The following ARF4 variants were observed in gnomAD, a reference collection of about 807,000 sequenced individuals.
ARF4 encodes ARF GTPase 4.
In ARF4, 5 loss-of-function variants were observed where a neutral mutation model predicts 24.3. The ratio of observed to expected loss-of-function variants is 0.21; its 90% CI spans 0.11 to 0.43. ARF4 has a LOEUF of 0.43. Ranked by LOEUF, ARF4 falls within the 20% of genes least tolerant of loss-of-function variation. ARF4 has a pLI of 1.00. For synonymous variants in ARF4, 62 were observed against 73.5 expected (o/e 0.84, Z 0.80); for missense variants, 107 against 213.0 (o/e 0.50, Z 3.10).
rs774767694 is a variant in ARF4 at position 57,572,139 on chromosome 3, A to G, written c.*73T>C. Reference sequence around the variant, plus strand: ...CCAGATACTGTTTAATAACCAAGATACAAACTAATTTTGTTGTAACAAGCC... The same window carrying G: ...CCAGATACTGTTTAATAACCAAGATGCAAACTAATTTTGTTGTAACAAGCC... On this transcript the variant is annotated 3_prime_UTR_variant, in exon 6 of 6. Transcript: ENST00000303436. 25 of 1,198,650 alleles carry G rather than the reference A, an allele frequency of 2.1e-5. No homozygotes were observed. Among genetic ancestry groups the G allele is most frequent in the Non-Finnish European group, 3.1e-5 (25 of 805,298 alleles). The allele number at this position is 1,198,650 out of a possible 1,614,324, so 74.3% of individuals were successfully genotyped here. A position where few individuals can be genotyped will look rare whatever the true frequency, so the allele number is the denominator to read the frequency against.
intron 5 of ARF4, among the ~76,000 whole-genome samples, chr3:57,572,928 C>T (rs1040285652): frequency 6.6e-6 from 1 of 151,728 alleles, no homozygotes; most frequent in East Asian, 1.9e-4. Context: ...TTAGGCCGGG[C>T]GTGGTGGCTC....
chr3:57,578,268 T>C (rs2069929717), intron 3 of ARF4, among the ~76,000 whole-genome samples: 1 of 150,620 alleles, frequency 6.6e-6, no homozygotes. Context: ...GCAAGAAAAA[T>C]CCAAGACTGG....
intron 3 of ARF4, among the ~76,000 whole-genome samples, chr3:57,581,677 G>C (rs1484939564): frequency 6.6e-6 from 1 of 152,180 alleles, no homozygotes; most frequent in Non-Finnish European, 1.5e-5. Flanking sequence ...GCGCATGCCT[G>C]AAGTCCCAGC....
Position 57,597,113 on chromosome 3 carries a change from A to G in ARF4, c.28T>C (p.Ser10Pro). 6.2e-7 allele frequency: 1 copy of G among 1,614,056 alleles called. No homozygotes were observed. The highest frequency in any genetic ancestry group is 8.5e-7 in the Non-Finnish European group (1 of 1,179,982). The change falls in exon 1 of 6, where the codon TCC becomes CCC. Residue 10 changes from serine (S) to proline (P), a missense_variant. Transcript: ENST00000303436. MGLTISSLF[S>P]RLFGKKQMRI... The stretch of plus-strand genomic sequence containing the variant: ...ATCTGCTTCTTGCCAAATAGTCGGG[A>G]GAAGAGGGAGGAGATAGTGAGGCCC...
rs2070027833 is a variant in ARF4, at chr3:57,585,668, T to TTC, written c.68-1205_68-1204insGA. Among the ~76,000 whole-genome samples, 5 of 150,348 alleles carry TTC rather than the reference T, an allele frequency of 3.3e-5. No individual in the cohort carries two copies. In the South Asian group the frequency reaches 8.5e-4, roughly 25 times the overall value. On this transcript the variant is annotated intron_variant, in intron 1 of 5. Transcript: ENST00000303436. ...CAATATAAGTAATATCTAAATTCTT[T>TTC]TTTTTTTTTTTTGAGACAGAGTATC... is the stretch of plus-strand genomic sequence containing the variant.
chr3:57,583,797 C>T, intron 3 of ARF4, 101 bp downstream of exon 3: 2 of 817,838 alleles, frequency 2.4e-6, no homozygotes, highest in South Asian at 1.6e-5. Context: ...AATGCCAACT[C>T]ATAGTAAACA....
At position 57,572,292 on chromosome 3, in the gene ARF4, C is replaced by G. The variant is rs2069850932; in HGVS notation, c.463G>C (p.Val155Leu). ...CCTTGTGTTGCACAAGTGGCTTGAA[C>G]ATACCACTGTAAAGAGAAGACAAGA... ...LQSLRNRTWY[V>L]QATCATQGTG... The change falls in exon 6 of 6, where the codon GTT becomes CTT. Residue 155 changes from valine (V) to leucine (L), a missense_variant. By Grantham distance (32) the Val-to-Leu change is conservative (BLOSUM62 1). Transcript: ENST00000303436. 1 of 1,612,766 alleles carries G rather than the reference C, an allele frequency of 6.2e-7. No homozygotes were observed. Among genetic ancestry groups the G allele is most frequent in the African/African-American group, 1.3e-5 (1 of 75,026 alleles).
At chr3:57,590,481 G>A (rs1337962773) in intron 1 of ARF4, among the ~76,000 whole-genome samples, 5 of 152,108 alleles carry the variant, frequency 3.3e-5, no homozygotes, top group Non-Finnish European at 7.4e-5. Context: ...GCAAGACTCC[G>A]TCTCAAAAAA....
At chr3:57,593,502 C>T (rs1422841187) in intron 1 of ARF4, among the ~76,000 whole-genome samples, 1 of 152,182 alleles carries the variant, frequency 6.6e-6, no homozygotes, top group Non-Finnish European at 1.5e-5. Flanking sequence ...ACCACAGTCA[C>T]ATTCAAGACA....
At position 57,577,372 on chromosome 3, in the gene ARF4, C is replaced by A; in HGVS notation, c.274G>T (p.Val92Leu). Residue 92 changes from valine to leucine, a missense_variant, in exon 4 of 6, where the codon GTA becomes TTA. By Grantham distance (32) the Val-to-Leu change is conservative. Transcript: ENST00000303436. Reference protein sequence around the residue: ...FQNTQGLIFVVDSNDRERIQE... With the variant: ...FQNTQGLIFVLDSNDRERIQE... ...ATTCTTTCACGATCGTTGCTATCTA[C>A]CACAAAAATAAGACCCTGGGGAAAA... The A allele has an allele frequency of 6.2e-7, 1 of 1,611,532 alleles. No individual in the cohort carries two copies.
At position 57,583,072 on chromosome 3, in the gene ARF4, C is replaced by T. The variant is rs1232053278; in HGVS notation, c.258+826G>A. 2.0e-5 allele frequency among the ~76,000 whole-genome samples: 3 copies of T among 152,128 alleles called. No individual in the cohort carries two copies. In the East Asian group the frequency reaches 5.8e-4, roughly 29 times the overall value. On this transcript the variant is annotated intron_variant, in intron 3 of 5. Coordinates refer to ENST00000303436, the MANE Select transcript of ARF4 (RefSeq NM_001660.4). ...ACCTACAATGCATAGAGAGCCCTCCCCATACCCAACAACAAAGAATAACCC... is the reference window on the plus strand; with the variant it reads ...ACCTACAATGCATAGAGAGCCCTCCTCATACCCAACAACAAAGAATAACCC...
intron 5 of ARF4, among the ~76,000 whole-genome samples, chr3:57,574,805 G>C (rs2069883164): frequency 6.6e-6 from 1 of 152,040 alleles, no homozygotes; most frequent in Non-Finnish European, 1.5e-5. Context: ...GATTGCTTGA[G>C]TCCAGGAGTT....
intron 1 of ARF4, among the ~76,000 whole-genome samples, chr3:57,591,711 C>A (rs1046592371): frequency 6.6e-6 from 1 of 152,040 alleles, no homozygotes; most frequent in Non-Finnish European, 1.5e-5. Context: ...GTGATCTGCC[C>A]GCCTCAGCCT....
chr3:57,574,694 G>A (rs1192096238), intron 5 of ARF4, among the ~76,000 whole-genome samples: 2 of 151,944 alleles, frequency 1.3e-5, no homozygotes, highest in South Asian at 2.1e-4. Context: ...GGTGTGAGCC[G>A]TGGTACCTGG....
chr3:57,591,886 T>A (rs1431384344), intron 1 of ARF4, among the ~76,000 whole-genome samples: 2 of 152,102 alleles, frequency 1.3e-5, no homozygotes, highest in Non-Finnish European at 2.9e-5. Context: ...AGAAAACAGA[T>A]TACGGGCTGG....
At chr3:57,592,851 G>A (rs1016285249) in intron 1 of ARF4, among the ~76,000 whole-genome samples, 4 of 152,112 alleles carry the variant, frequency 2.6e-5, no homozygotes, top group Admixed American at 2.6e-4. Flanking sequence ...ATCAAAAAGA[G>A]AGGACACAAA....
At chr3:57,589,368 C>A (rs1423291513) in intron 1 of ARF4, among the ~76,000 whole-genome samples, 2 of 151,998 alleles carry the variant, frequency 1.3e-5, no homozygotes, top group African/African-American at 2.4e-5. Context: ...ATCAAGGCTG[C>A]AGCGAGCCAT....
chr3:57,576,046 G>T lies in ARF4; in HGVS notation c.331-373C>A, dbSNP rs551691814. Among the ~76,000 whole-genome samples the T allele has an allele frequency of 1.6e-4, 24 of 152,314 alleles. No individual in the cohort carries two copies. In the South Asian group the frequency reaches 3.9e-3, roughly 25 times the overall value. ...TGGTACTTAGTAGCAGAAGTACTTAGATAGATGATGATTCTTTTCGGACTT... is the reference window on the plus strand; with the variant it reads ...TGGTACTTAGTAGCAGAAGTACTTATATAGATGATGATTCTTTTCGGACTT... On this transcript the variant is annotated intron_variant, in intron 4 of 5. Coordinates refer to ENST00000303436, the MANE Select transcript of ARF4 (RefSeq NM_001660.4).
At chr3:57,592,352 T>A (rs1322596429) in intron 1 of ARF4, among the ~76,000 whole-genome samples, 1 of 151,872 alleles carries the variant, frequency 6.6e-6, no homozygotes, top group Middle Eastern at 3.2e-3. Context: ...CCGGGCATGG[T>A]GGGAGGGGGC....
Sources: allele counts gnomAD v4.1 joint callset (sites outside exome capture counted in the v4.1 genomes callset), GRCh38; gene constraint gnomAD v4.1.1; transcripts MANE v1.5; gene names NCBI Gene and HGNC (gene_info 2026-07-23, HGNC 2026-07-21).